NAALAD2: variants seen among roughly 807,000 people sequenced by gnomAD.
NAALAD2 encodes the protein N-acetylated alpha-linked acidic dipeptidase 2, also known as N-acetylated-alpha-linked acidic dipeptidase 2.
Under a neutral mutation model 95.6 loss-of-function variants are expected in NAALAD2, and 89 were observed. That is an observed-to-expected ratio of 0.93 (90% CI 0.78 to 1.11). The LOEUF is 1.11. Ranked by LOEUF, NAALAD2 falls within the 50% of genes least tolerant of loss-of-function variation. The pLI is 0.00. For missense variants in NAALAD2, 894 were observed against 872.4 expected, an observed-to-expected ratio of 1.02 and a Z score of -0.31; for synonymous variants, 264 against 294.4, an observed-to-expected ratio of 0.90 and a Z score of 1.06.
At chr11:90,173,722 T>G in intron 13 of NAALAD2, 102 bp from the exon 14 acceptor site, 1 of 744,996 alleles carries the variant, frequency 1.3e-6, no homozygotes, top group Admixed American at 2.6e-5. Flanking sequence ...TGTACATATG[T>G]TATTAAAAGT....
At chr11:90,164,121 A>C in intron 11 of NAALAD2, 1 of 164,668 alleles carries the variant, frequency 6.1e-6, no homozygotes, top group Non-Finnish European at 1.3e-5. Context: ...TTTACAACAG[A>C]TATGTGCTTC....
At chr11:90,185,253 A>G (rs1857101001) in intron 18 of NAALAD2, among the ~76,000 whole-genome samples, 1 of 151,966 alleles carries the variant, frequency 6.6e-6, no homozygotes, top group Non-Finnish European at 1.5e-5. Context: ...AAACATCTAT[A>G]TTTAACATAT....
intron 14 of NAALAD2, among the ~76,000 whole-genome samples, chr11:90,174,823 C>T (rs1417750739): frequency 6.6e-6 from 1 of 152,026 alleles, no homozygotes; most frequent in Non-Finnish European, 1.5e-5. Flanking sequence ...GCATTCCTAA[C>T]TCAAAAACCT....
At chr11:90,163,661 G>A in intron 11 of NAALAD2, 44 bp downstream of exon 11, 4 of 1,548,566 alleles carry the variant, frequency 2.6e-6, no homozygotes, top group Non-Finnish European at 2.7e-6. Context: ...TTGGTCAACA[G>A]GGAACAAATA....
At chr11:90,148,087 T>A (rs1951792313) in intron 3 of NAALAD2, among the ~76,000 whole-genome samples, 1 of 152,146 alleles carries the variant, frequency 6.6e-6, no homozygotes, top group Non-Finnish European at 1.5e-5. Context: ...CCTAGGGAGC[T>A]TAAACTTCAA....
At chr11:90,167,853 A>G (rs1015113019) in intron 11 of NAALAD2, among the ~76,000 whole-genome samples, 2 of 150,466 alleles carry the variant, frequency 1.3e-5, no homozygotes, top group African/African-American at 5.0e-5. Context: ...AAACGGAGCA[A>G]TCGGCTCTCT....
rs773341106 is a variant in NAALAD2 at position 90,135,636 on chromosome 11, G to A, written c.160G>A (p.Glu54Lys). 3 of 1,613,076 alleles carry A rather than the reference G, an allele frequency of 1.9e-6. No homozygotes were observed. The highest frequency in any genetic ancestry group is 2.7e-5 in the African/African-American group (2 of 74,860). The change falls in exon 2 of 19, where the codon GAA becomes AAA. Residue 54 changes from glutamate (E) to lysine (K), a missense_variant. By Grantham distance (56) the Glu-to-Lys change is moderately conservative. Transcript: ENST00000534061. ...HQSIRWKLVS[E>K]MKAENIKSFL... Reference sequence around the variant, plus strand: ...AAGTATACGGTGGAAACTGGTATCCGAAATGAAAGCTGAAAACATCAAATC... The same window carrying A: ...AAGTATACGGTGGAAACTGGTATCCAAAATGAAAGCTGAAAACATCAAATC...
chr11:90,136,863 G>T (rs762192616), intron 2 of NAALAD2, among the ~76,000 whole-genome samples: 6 of 152,058 alleles, frequency 3.9e-5, no homozygotes, highest in Non-Finnish European at 7.4e-5. Context: ...GCATCATTTT[G>T]CATTTCTACC....
At chr11:90,134,554 C>A, upstream of NAALAD2, 2 of 565,834 alleles carry the variant, frequency 3.5e-6, no homozygotes, top group Non-Finnish European at 6.3e-6. Flanking sequence ...GGAAGAATGT[C>A]TCCTCCCTCT....
chr11:90,184,702 C>T (rs1012457219), intron 18 of NAALAD2, among the ~76,000 whole-genome samples: 1 of 151,896 alleles, frequency 6.6e-6, no homozygotes, highest in East Asian at 1.9e-4. Context: ...TCCCCCCTTG[C>T]CCCCTACACC....
intron 2 of NAALAD2, among the ~76,000 whole-genome samples, chr11:90,145,177 G>C (rs895446979): frequency 6.6e-6 from 1 of 152,190 alleles, no homozygotes. Flanking sequence ...AAACACAAAA[G>C]AAGGAATAGT....
intron 6 of NAALAD2, among the ~76,000 whole-genome samples, chr11:90,155,286 G>A: frequency 1.0e-5 from 1 of 99,598 alleles, no homozygotes; most frequent in South Asian, 3.1e-4. Context: ...TATTATATAT[G>A]CATATATGTA....
chr11:90,139,335 T>G (rs1453476460), intron 2 of NAALAD2, among the ~76,000 whole-genome samples: 2 of 152,170 alleles, frequency 1.3e-5, no homozygotes, highest in African/African-American at 4.8e-5. Context: ...TAAACCCAAG[T>G]GCATTTGCAC....
chr11:90,165,597 A>G (rs1211301956), intron 11 of NAALAD2, among the ~76,000 whole-genome samples: 2 of 152,210 alleles, frequency 1.3e-5, no homozygotes, highest in Non-Finnish European at 2.9e-5. Context: ...CCCACTCACA[A>G]TTACTTGTCT....
chr11:90,154,473 A>T (rs1462531056), intron 6 of NAALAD2, among the ~76,000 whole-genome samples: 1 of 151,890 alleles, frequency 6.6e-6, no homozygotes, highest in African/African-American at 2.4e-5. Context: ...GTCATCCTAA[A>T]ATAAATCCCA....
At chr11:90,173,715 A>G (rs1952706738) in intron 13 of NAALAD2, 109 bp from the exon 14 acceptor site, 6 of 702,766 alleles carry the variant, frequency 8.5e-6, no homozygotes, top group Middle Eastern at 2.5e-4. Context: ...ATATACATGT[A>G]CATATGTTAT....
At chr11:90,139,504 A>G (rs185344971) in intron 2 of NAALAD2, among the ~76,000 whole-genome samples, 1 of 152,172 alleles carries the variant, frequency 6.6e-6, no homozygotes, top group Non-Finnish European at 1.5e-5. Context: ...CTTTCTCCTC[A>G]GTAATTTTCT....
chr11:90,191,669 G>T lies in NAALAD2; in HGVS notation c.2145G>T (p.Trp715Cys). Residue 715 changes from tryptophan to cysteine, a missense_variant, in exon 19 of 19, where the codon TGG becomes TGT. Coordinates refer to ENST00000534061, the MANE Select transcript of NAALAD2 (RefSeq NM_005467.4). ...IENKANSRLA[W>C]KEVKKHISIA... ...ATAAAGCCAACTCTCGTTTGGCCTG[G>T]AAAGAAGTAAAGAAACATATTTCTA... 1 of 1,602,494 alleles carries T rather than the reference G, an allele frequency of 6.2e-7. No individual in the cohort carries two copies. The highest frequency in any genetic ancestry group is 8.5e-7 in the Non-Finnish European group (1 of 1,174,704).
chr11:90,135,762 T>C, intron 2 of NAALAD2, 92 bp downstream of exon 2: 1 of 978,034 alleles, frequency 1.0e-6, no homozygotes, highest in East Asian at 2.6e-5. Context: ...ATGAGGACAG[T>C]CTTCTCTGTG....
Sources: allele counts gnomAD v4.1 joint callset (sites outside exome capture counted in the v4.1 genomes callset), GRCh38; gene constraint gnomAD v4.1.1; transcripts MANE v1.5; gene names NCBI Gene and HGNC (gene_info 2026-07-23, HGNC 2026-07-21).